The following CLEC9A variants were observed in gnomAD, a reference collection of about 807,000 sequenced individuals.
CLEC9A encodes the protein C-type lectin domain family 9 member A.
Under a neutral mutation model 30.0 loss-of-function variants are expected in CLEC9A, and 24 were observed. The ratio of observed to expected loss-of-function variants is 0.80; its 90% CI spans 0.58 to 1.13. The LOEUF (loss-of-function observed/expected upper bound fraction) is 1.13, where lower values mean the gene tolerates loss of function less well. CLEC9A is among the 50% of genes most tolerant of loss of function. The pLI is 0.00. For missense variants in CLEC9A, 251 were observed against 280.9 expected (o/e 0.89, Z 0.76); for synonymous variants, 111 against 96.8 (o/e 1.15, Z -0.86).
At chr12:10,059,915 G>C (rs1278852990) in intron 5 of CLEC9A, among the ~76,000 whole-genome samples, 1 of 152,020 alleles carries the variant, frequency 6.6e-6, no homozygotes, top group Admixed American at 6.6e-5. Flanking sequence ...TTTCACCAGA[G>C]AGAATATACA....
chr12:10,031,577 T>C (rs1040699161), intron 1 of CLEC9A, among the ~76,000 whole-genome samples: 1 of 152,146 alleles, frequency 6.6e-6, no homozygotes, highest in Admixed American at 6.5e-5. Flanking sequence ...CCCCACCATT[T>C]TGGGAAGAAA....
intron 3 of CLEC9A, 55 bp from the exon 4 acceptor site, chr12:10,052,575 A>G (rs531737996): frequency 1.3e-6 from 2 of 1,494,020 alleles, no homozygotes; most frequent in Non-Finnish European, 1.8e-6. Context: ...TTTTCCCACT[A>G]CTGTGAAAAT....
chr12:10,058,703 C>G (rs1026655724), intron 5 of CLEC9A, among the ~76,000 whole-genome samples: 2 of 152,122 alleles, frequency 1.3e-5, no homozygotes, highest in African/African-American at 4.8e-5. Context: ...CACCACCACA[C>G]CCAGCTAATT....
chr12:10,055,949 C>A (rs894844764), intron 5 of CLEC9A, among the ~76,000 whole-genome samples: 1 of 149,330 alleles, frequency 6.7e-6, no homozygotes, highest in Non-Finnish European at 1.5e-5. Context: ...ATCCTAGCTA[C>A]TCCGGAGGCT....
chr12:10,033,607 T>G (rs1262260302), intron 1 of CLEC9A, among the ~76,000 whole-genome samples: 1 of 152,276 alleles, frequency 6.6e-6, no homozygotes, highest in African/African-American at 2.4e-5. Context: ...CTTTTCTTGC[T>G]GCTCTCACAT....
rs746514904 is a variant in CLEC9A, at chr12:10,052,711, C to T, written c.24C>T (p.Thr8=). 38 of 1,613,824 alleles carry T rather than the reference C, an allele frequency of 2.4e-5. No individual in the cohort carries two copies. The Admixed American group carries it at 5.7e-4, about 24-fold the overall frequency. The change falls in exon 4 of 9, where the codon ACC becomes ACT. Residue 8 remains threonine (T), a synonymous_variant. Coordinates refer to ENST00000355819, the MANE Select transcript of CLEC9A (RefSeq NM_207345.4). The part of the protein sequence containing the change: MHEEEIY[T]SLQWDSPAPD... ...ACATGCACGAGGAAGAAATATACAC[C>T]TCTCTTCAGTGGGATAGCCCAGCAC...
In CLEC9A at chr12:10,065,560, C is replaced by T. The variant is rs767636912; in HGVS notation, c.654C>T (p.Ser218=). 2.5e-6 allele frequency: 4 copies of T among 1,613,836 alleles called. No homozygotes were observed. The South Asian group carries it at 3.3e-5, about 13-fold the overall frequency. Residue 218 remains serine, a synonymous_variant, in exon 9 of 9, where the codon TCC becomes TCT. Transcript: ENST00000355819. Reference sequence around the variant, plus strand: ...TCTGTGGATACGTGAAAAGCAATTCCCTTCTTTCGTCTAACTGCAGCACGT... The same window carrying T: ...TCTGTGGATACGTGAAAAGCAATTCTCTTCTTTCGTCTAACTGCAGCACGT... ...NQVCGYVKSN[S]LLSSNCSTWK...
chr12:10,047,109 A>C (rs1370384614), intron 2 of CLEC9A, among the ~76,000 whole-genome samples: 3 of 152,216 alleles, frequency 2.0e-5, no homozygotes, highest in Non-Finnish European at 4.4e-5. Context: ...TGGAGGGCTT[A>C]GGAAAAATAA....
intron 6 of CLEC9A, among the ~76,000 whole-genome samples, chr12:10,061,826 G>C (rs530402982): frequency 6.6e-6 from 1 of 152,224 alleles, no homozygotes; most frequent in Non-Finnish European, 1.5e-5. Flanking sequence ...ATTTCTACCT[G>C]TCATATAGTT....
chr12:10,040,253 A>T (rs11053565), intron 1 of CLEC9A, among the ~76,000 whole-genome samples: 6,136 of 152,276 alleles, frequency 0.04, 286 homozygotes, highest in East Asian at 0.25. Context: ...TCCTGTATTC[A>T]AGAAAATGTC....
chr12:10,060,467 C>A (rs759598165), intron 5 of CLEC9A: 1 of 152,192 alleles, frequency 6.6e-6, no homozygotes, highest in Non-Finnish European at 1.5e-5. Flanking sequence ...AGGTTACATA[C>A]TGTAAGATAG....
chr12:10,049,732 A>G (rs1412068786), intron 2 of CLEC9A, among the ~76,000 whole-genome samples: 1 of 152,192 alleles, frequency 6.6e-6, no homozygotes, highest in East Asian at 1.9e-4. Context: ...GCTTAAGAGA[A>G]TGCTGTAATT....
In CLEC9A at chr12:10,061,289, C is replaced by A; in HGVS notation, c.319+16C>A. ...TTAAGTTCAGGTAATGGATAAAAAT[C>A]AGTTTCCACTGTATACATCTAAATA... On this transcript the variant is annotated intron_variant, in intron 6 of 8. Coordinates refer to ENST00000355819, the MANE Select transcript of CLEC9A (RefSeq NM_207345.4). The A allele has an allele frequency of 6.2e-7, 1 of 1,603,250 alleles. No homozygotes were observed. The highest frequency in any genetic ancestry group is 8.5e-7 in the Non-Finnish European group (1 of 1,176,444).
At chr12:10,055,483 A>G (rs1250507190) in intron 5 of CLEC9A, among the ~76,000 whole-genome samples, 1 of 152,192 alleles carries the variant, frequency 6.6e-6, no homozygotes, top group Non-Finnish European at 1.5e-5. Context: ...GCAAATATCA[A>G]AAAATATTCT....
At chr12:10,034,853 G>A (rs1334280519) in intron 1 of CLEC9A, among the ~76,000 whole-genome samples, 1 of 152,204 alleles carries the variant, frequency 6.6e-6, no homozygotes, top group Non-Finnish European at 1.5e-5. Flanking sequence ...GCCGTCCATA[G>A]GTGGCTTGTG....
chr12:10,064,516 TA>T (rs1356027212), intron 7 of CLEC9A, among the ~76,000 whole-genome samples: 1 of 152,232 alleles, frequency 6.6e-6, no homozygotes, highest in African/African-American at 2.4e-5. Context: ...CCCAGTTGCC[TA>T]TTTTTTTCAT....
In CLEC9A at chr12:10,064,585, G is replaced by A. The variant is rs138246401; in HGVS notation, c.472-147G>A. The A allele has an allele frequency of 2.0e-3, 1,553 of 775,050 alleles. 15 individuals carry two copies. The African/African-American group carries it at 0.025, about 12-fold the overall frequency. The allele number at this position is 775,050 out of a possible 1,614,324, so 48.0% of individuals were successfully genotyped here. ...TCGAAAATAGTCTAAAAAATGTATC[G>A]GCACTTTTTTATAATACTCCCTTCT... On this transcript the variant is annotated intron_variant, in intron 7 of 8. Coordinates refer to ENST00000355819, the MANE Select transcript of CLEC9A (RefSeq NM_207345.4).
intron 5 of CLEC9A, among the ~76,000 whole-genome samples, chr12:10,057,526 T>C (rs1366400155): frequency 1.3e-5 from 2 of 151,930 alleles, no homozygotes; most frequent in Non-Finnish European, 2.9e-5. Flanking sequence ...GTCATATTTA[T>C]ATAAAAGAAC....
At position 10,065,542 on chromosome 12, in the gene CLEC9A, A is replaced by G. The variant is rs546851923; in HGVS notation, c.636A>G (p.Gly212=). The change falls in exon 9 of 9, where the codon GGA becomes GGG. Residue 212 remains glycine (G), a synonymous_variant. Coordinates refer to ENST00000355819, the MANE Select transcript of CLEC9A (RefSeq NM_207345.4). ...ERSQSANQVC[G]YVKSNSLLSS... is the part of the protein sequence containing the mutation. ...CCCAGTCAGCTAACCAAGTCTGTGG[A>G]TACGTGAAAAGCAATTCCCTTCTTT... The G allele has an allele frequency of 1.9e-6, 3 of 1,613,994 alleles. No individual in the cohort carries two copies. In the South Asian group the frequency reaches 3.3e-5, roughly 18 times the overall value.
Sources: allele counts gnomAD v4.1 joint callset (sites outside exome capture counted in the v4.1 genomes callset), GRCh38; gene constraint gnomAD v4.1.1; transcripts MANE v1.5; gene names NCBI Gene and HGNC (gene_info 2026-07-23, HGNC 2026-07-21).